RBFOX2: variants seen among roughly 807,000 people sequenced by gnomAD.
RBFOX2 encodes the protein RNA binding protein fox-1 homolog 2.
Under a neutral mutation model 49.1 loss-of-function variants are expected in RBFOX2, and 10 were observed. The observed-to-expected ratio is 0.20, with a 90% CI of 0.13 to 0.35. RBFOX2 has a LOEUF of 0.35. RBFOX2 is among the 10% of genes least tolerant of loss of function. RBFOX2 has a pLI of 1.00. For missense variants in RBFOX2, 323 were observed against 486.9 expected (o/e 0.66, Z 3.17); for synonymous variants, 183 against 187.4 (o/e 0.98, Z 0.19).
intron 1 of RBFOX2, among the ~76,000 whole-genome samples, chr22:35,968,962 T>C (rs1027784790): frequency 6.6e-6 from 1 of 152,172 alleles, no homozygotes; most frequent in South Asian, 2.1e-4. Flanking sequence ...CTGAACACTG[T>C]CTCTGCTCAA....
chr22:35,832,969 A>G (rs1957064100), intron 1 of RBFOX2, among the ~76,000 whole-genome samples: 1 of 152,232 alleles, frequency 6.6e-6, no homozygotes, highest in African/African-American at 2.4e-5. Context: ...CAAAGAAATG[A>G]TAAATATTTG....
chr22:35,968,763 T>C (rs1172480817), intron 1 of RBFOX2, among the ~76,000 whole-genome samples: 1 of 152,144 alleles, frequency 6.6e-6, no homozygotes, highest in Non-Finnish European at 1.5e-5. Context: ...AAAACAGACA[T>C]AGTCCTTCCT....
chr22:35,801,322 A>G (rs551497045), intron 2 of RBFOX2, among the ~76,000 whole-genome samples: 1 of 152,310 alleles, frequency 6.6e-6, no homozygotes, highest in East Asian at 1.9e-4. Context: ...GACCATTTTA[A>G]GAGACATATA....
intron 4 of RBFOX2, among the ~76,000 whole-genome samples, chr22:35,777,303 C>T (rs1341067986): frequency 2.6e-5 from 4 of 152,142 alleles, no homozygotes; most frequent in Non-Finnish European, 5.9e-5. Flanking sequence ...TGAGCCACTG[C>T]GCCCAGCCTA....
intron 1 of RBFOX2, among the ~76,000 whole-genome samples, chr22:36,027,130 C>A (rs2059469229): frequency 6.6e-6 from 1 of 152,104 alleles, no homozygotes; most frequent in African/African-American, 2.4e-5. Flanking sequence ...ACTTGAATCT[C>A]CTCCAAAAAA....
intron 1 of RBFOX2, among the ~76,000 whole-genome samples, chr22:35,976,190 T>C (rs1489441748): frequency 1.3e-5 from 2 of 152,228 alleles, no homozygotes; most frequent in Admixed American, 1.3e-4. Flanking sequence ...GCTCCCTGTT[T>C]GATTTCAGCT....
chr22:35,929,868 T>C (rs969489667), intron 1 of RBFOX2, among the ~76,000 whole-genome samples: 2 of 152,064 alleles, frequency 1.3e-5, no homozygotes, highest in Non-Finnish European at 2.9e-5. Flanking sequence ...GAGCAGGGAA[T>C]GACTGCAAAA....
rs1188196316 is a variant in RBFOX2, at chr22:35,749,519, A to G, written c.888-2958T>C. ...CTCTCTCTCTCTCTTACACACACAC[A>G]CGCACACACACACATACACTTACTC... On this transcript the variant is annotated intron_variant, in intron 9 of 11. Coordinates refer to ENST00000405409, the Ensembl canonical transcript of RBFOX2. This position sits in a 1 kb window ranked among gnomAD's most constrained non-coding sequence, Gnocchi z 4.1. 1.3e-5 allele frequency among the ~76,000 whole-genome samples: 2 copies of G among 149,784 alleles called. No individual in the cohort carries two copies. Among genetic ancestry groups the G allele is most frequent in the Non-Finnish European group, 3.0e-5 (2 of 66,526 alleles).
chr22:36,010,073 C>G (rs5750213), intron 1 of RBFOX2, among the ~76,000 whole-genome samples: 12,937 of 151,980 alleles, frequency 0.085, 595 homozygotes, highest in African/African-American at 0.11. Context: ...CTCTAAATTG[C>G]CTGGGTACCT....
intron 1 of RBFOX2, among the ~76,000 whole-genome samples, chr22:36,009,569 T>C (rs2058737581): frequency 2.6e-5 from 4 of 152,120 alleles, no homozygotes; most frequent in Admixed American, 2.6e-4. Context: ...TTTGTTTTTT[T>C]GTAAAGGCGG....
intron 1 of RBFOX2, among the ~76,000 whole-genome samples, chr22:35,937,762 T>C (rs531060562): frequency 6.6e-6 from 1 of 152,262 alleles, no homozygotes; most frequent in East Asian, 1.9e-4. Flanking sequence ...AGCTAATTTT[T>C]GTATTTTTAG....
In RBFOX2 at chr22:35,759,026, G is replaced by A. The variant is rs1036332980; in HGVS notation, c.887+862C>T. ...CATTATCTGGCAGAGAAAAGGTGAA[G>A]AGAAATGTCACATCTTTGATGAGGA... is the stretch of plus-strand genomic sequence containing the variant. On this transcript the variant is annotated intron_variant, in intron 9 of 11. Coordinates refer to ENST00000405409, the Ensembl canonical transcript of RBFOX2. The surrounding 1 kb of genome is among the most constrained non-coding windows in gnomAD (Gnocchi z 4.6). 2.0e-5 allele frequency among the ~76,000 whole-genome samples: 3 copies of A among 152,144 alleles called. No homozygotes were observed. The highest frequency in any genetic ancestry group is 7.2e-5 in the African/African-American group (3 of 41,418).
At chr22:35,775,600 G>A (rs1943681657) in intron 4 of RBFOX2, among the ~76,000 whole-genome samples, 1 of 152,052 alleles carries the variant, frequency 6.6e-6, no homozygotes, top group Non-Finnish European at 1.5e-5. Context: ...AGCACTGTGG[G>A]AAGCCAAGGC....
chr22:35,965,006 C>T (rs918315801), upstream of RBFOX2, among the ~76,000 whole-genome samples: 4 of 152,176 alleles, frequency 2.6e-5, no homozygotes, highest in Non-Finnish European at 4.4e-5. Context: ...ATACTTACCA[C>T]ACACCAGTCG....
chr22:35,986,617 C>T (rs145802418), intron 1 of RBFOX2, among the ~76,000 whole-genome samples: 1 of 152,112 alleles, frequency 6.6e-6, no homozygotes, highest in Admixed American at 6.5e-5. Flanking sequence ...TTATGCCCAC[C>T]CCCTTTAAGA....
intron 1 of RBFOX2, among the ~76,000 whole-genome samples, chr22:35,982,563 T>G (rs1466335817): frequency 1.3e-5 from 2 of 151,776 alleles, no homozygotes; most frequent in Admixed American, 6.6e-5. Context: ...TTTGCTGGGG[T>G]GATTACAAGA....
upstream of RBFOX2, among the ~76,000 whole-genome samples, chr22:35,964,986 T>C (rs1374060302): frequency 6.6e-6 from 1 of 152,258 alleles, no homozygotes; most frequent in Non-Finnish European, 1.5e-5. Flanking sequence ...TTTCTTCCAA[T>C]ACTTACTGAA....
intron 1 of RBFOX2, among the ~76,000 whole-genome samples, chr22:35,920,298 T>C (rs765833665): frequency 6.6e-6 from 1 of 152,218 alleles, no homozygotes; most frequent in East Asian, 1.9e-4. Context: ...GGAAGTCTTA[T>C]GCCCAGTTTT....
chr22:35,908,870 T>A (rs902865105), intron 1 of RBFOX2, among the ~76,000 whole-genome samples: 88 of 148,634 alleles, frequency 5.9e-4, no homozygotes, highest in Non-Finnish European at 1.0e-3. Context: ...TGAGATGGAG[T>A]CTCGCTCTGT....
Sources: allele counts gnomAD v4.1 joint callset (sites outside exome capture counted in the v4.1 genomes callset), GRCh38; gene constraint gnomAD v4.1.1; non-coding constraint Gnocchi (gnomAD v3.1); transcripts MANE v1.5; gene names NCBI Gene and HGNC (gene_info 2026-07-23, HGNC 2026-07-21).